The following SH3GL3 variants were observed in gnomAD, a reference collection of about 807,000 sequenced individuals.
The protein encoded by SH3GL3 is endophilin-A3.
SH3GL3 carries 33 observed loss-of-function variants against 47.7 expected under a neutral mutation model. The ratio of observed to expected loss-of-function variants is 0.69; its 90% CI spans 0.52 to 0.92. The LOEUF is 0.92. Ranked by LOEUF, SH3GL3 falls within the 40% of genes least tolerant of loss-of-function variation. The probability of loss-of-function intolerance (pLI) is 0.00; values close to 1 mark genes in which losing one functional copy is unlikely to be tolerated. For missense variants in SH3GL3, 363 were observed against 417.8 expected, an observed-to-expected ratio of 0.87 and a Z score of 1.14; for synonymous variants, 155 against 148.8, an observed-to-expected ratio of 1.04 and a Z score of -0.30.
At chr15:83,544,329 A>G (rs1238501454) in intron 1 of SH3GL3, among the ~76,000 whole-genome samples, 1 of 151,968 alleles carries the variant, frequency 6.6e-6, no homozygotes, top group East Asian at 1.9e-4. Context: ...TAGAGTTTCT[A>G]TTATTGATTT....
At chr15:83,480,140 T>C (rs2041281653) in intron 1 of SH3GL3, among the ~76,000 whole-genome samples, 1 of 152,214 alleles carries the variant, frequency 6.6e-6, no homozygotes. Flanking sequence ...CCAATTTTTA[T>C]TTATTTGAAA....
chr15:83,591,549 C>T (rs756923421), intron 8 of SH3GL3, among the ~76,000 whole-genome samples: 13 of 151,304 alleles, frequency 8.6e-5, no homozygotes, highest in East Asian at 1.9e-4. Flanking sequence ...TGGTAATATA[C>T]GTATGTGGTT....
chr15:83,512,786 C>G (rs2042822194), intron 1 of SH3GL3, among the ~76,000 whole-genome samples: 1 of 152,110 alleles, frequency 6.6e-6, no homozygotes, highest in African/African-American at 2.4e-5. Flanking sequence ...TGCCACCTCC[C>G]TCCCTCCCTC....
At chr15:83,611,153 G>C (rs911558776) in intron 8 of SH3GL3, among the ~76,000 whole-genome samples, 1 of 151,802 alleles carries the variant, frequency 6.6e-6, no homozygotes, top group Non-Finnish European at 1.5e-5. Flanking sequence ...GGGAAGTTCA[G>C]TTTATTTCAG....
rs1282930935 is a variant in SH3GL3, at chr15:83,499,378, C to T, written c.45+51800C>T. 5.0e-5 allele frequency among the ~76,000 whole-genome samples: 7 copies of T among 140,564 alleles called. 1 individual carries two copies. The highest frequency in any genetic ancestry group is 2.2e-4 in the Admixed American group (3 of 13,860). The allele number at this position is 140,564 out of a possible 152,430, so 92.2% of individuals were successfully genotyped here. ...AAAATGAAAGGCACTCCAGCCTGGG[C>T]GACAGAGACTCCATCTCAAAAAAAA... On this transcript the variant is annotated intron_variant, in intron 1 of 8. Coordinates refer to ENST00000427482, the MANE Select transcript of SH3GL3 (RefSeq NM_003027.5).
chr15:83,541,312 ATTTTTTTTTTTTTTTTTTTTT>A lies in SH3GL3; in HGVS notation c.46-17922_46-17902del, dbSNP rs71156085. 1.1e-3 allele frequency among the ~76,000 whole-genome samples: 50 copies of A among 47,366 alleles called. 1 individual carries two copies. The highest frequency in any genetic ancestry group is 1.3e-3 in the Non-Finnish European group (32 of 24,122). The allele number at this position is 47,366 out of a possible 152,430, so 31.1% of individuals were successfully genotyped here. A position where few individuals can be genotyped will look rare whatever the true frequency, so the allele number is the denominator to read the frequency against. On this transcript the variant is annotated intron_variant, in intron 1 of 8. Coordinates refer to ENST00000427482, the MANE Select transcript of SH3GL3 (RefSeq NM_003027.5). ...GATGGCTGGATCATATGGTAATTCT[ATTTTTTTTTTTTTTTTTTTTT>A]TTTTTTTTTTTTTTTTTTGAGACGG...
the SH3GL3 span, among the ~76,000 whole-genome samples, chr15:83,631,586 T>C: frequency 1.3e-5 from 2 of 152,204 alleles, no homozygotes; most frequent in Non-Finnish European, 2.9e-5. Flanking sequence ...CCACCAAGGG[T>C]TGGGGCTTGC....
rs1567228386 is a variant in SH3GL3 at position 83,448,473 on chromosome 15, TG to T, written c.45+896del. On this transcript the variant is annotated intron_variant, in intron 1 of 8. Transcript: ENST00000427482. This position sits in a 1 kb window ranked among gnomAD's most constrained non-coding sequence, Gnocchi z 4.2. ...GTGTGTGTGTGTGTGTGTGTGTGTGTGTGTGTGTTGATGACAAGCAAATTTG... is the reference window on the plus strand; with the variant it reads ...GTGTGTGTGTGTGTGTGTGTGTGTGTTGTGTGTTGATGACAAGCAAATTTG... Among the ~76,000 whole-genome samples the T allele has an allele frequency of 2.0e-5, 3 of 151,584 alleles. No individual in the cohort carries two copies. Among genetic ancestry groups the T allele is most frequent in the African/African-American group, 7.3e-5 (3 of 41,162 alleles).
intron 1 of SH3GL3, among the ~76,000 whole-genome samples, chr15:83,516,650 G>A (rs1191056516): frequency 1.3e-5 from 2 of 151,940 alleles, no homozygotes; most frequent in Non-Finnish European, 2.9e-5. Flanking sequence ...ACTTTTAAAT[G>A]ACCAGATCTC....
chr15:83,570,167 G>C (rs1188899780), intron 4 of SH3GL3, among the ~76,000 whole-genome samples: 1 of 151,986 alleles, frequency 6.6e-6, no homozygotes, highest in Non-Finnish European at 1.5e-5. Context: ...AAATTTCCAA[G>C]CTCCTGCATT....
intron 8 of SH3GL3, among the ~76,000 whole-genome samples, chr15:83,602,445 C>G (rs1331753655): frequency 6.6e-6 from 1 of 152,152 alleles, no homozygotes; most frequent in African/African-American, 2.4e-5. Context: ...ATAGATGACA[C>G]CTTCTAGCTG....
chr15:83,545,473 TGTCTGAAAG>T (rs987281078), intron 1 of SH3GL3, among the ~76,000 whole-genome samples: 2 of 152,370 alleles, frequency 1.3e-5, no homozygotes, highest in African/African-American at 4.8e-5. Flanking sequence ...TTGAATTCTT[TGTCTGAAAG>T]GTCACATATC....
intron 3 of SH3GL3, chr15:83,565,589 T>G (rs1016746224): frequency 1.3e-5 from 2 of 155,722 alleles, no homozygotes; most frequent in African/African-American, 4.8e-5. Flanking sequence ...AGGTATATGT[T>G]AATTTGAAAA....
In SH3GL3 at chr15:83,458,120, C is replaced by T. The variant is rs151229258; in HGVS notation, c.45+10542C>T. Among the ~76,000 whole-genome samples, 145 of 152,258 alleles carry T rather than the reference C, an allele frequency of 9.5e-4. 2 individuals are homozygous for T. In the East Asian group the frequency reaches 0.012, roughly 12 times the overall value. On this transcript the variant is annotated intron_variant, in intron 1 of 8. Coordinates refer to ENST00000427482, the MANE Select transcript of SH3GL3 (RefSeq NM_003027.5). The stretch of plus-strand genomic sequence containing the variant: ...GTCAGTAAACAACTGACACACTGTT[C>T]GGCTAAATAGTGAACATATTCTGGA...
chr15:83,558,247 G>A (rs182488119), intron 1 of SH3GL3, among the ~76,000 whole-genome samples: 29 of 152,160 alleles, frequency 1.9e-4, no homozygotes, highest in African/African-American at 7.0e-4. Flanking sequence ...TTTCTAAAGG[G>A]TTTCTCTGTG....
intron 1 of SH3GL3, among the ~76,000 whole-genome samples, chr15:83,536,856 T>C (rs1299414175): frequency 6.6e-6 from 1 of 152,230 alleles, no homozygotes; most frequent in African/African-American, 2.4e-5. Context: ...CTTTAAAAAG[T>C]TCCCCTCTAT....
At chr15:83,492,563 G>A (rs1402022293) in intron 1 of SH3GL3, among the ~76,000 whole-genome samples, 7 of 152,152 alleles carry the variant, frequency 4.6e-5, no homozygotes, top group Admixed American at 1.3e-4. Flanking sequence ...CACCTGTGAC[G>A]CTTTCCCCTA....
intron 1 of SH3GL3, among the ~76,000 whole-genome samples, chr15:83,522,453 T>C (rs1295595821): frequency 6.6e-6 from 1 of 152,228 alleles, no homozygotes. Flanking sequence ...GTGGGGATTA[T>C]GTACCTCTTC....
chr15:83,563,912 A>G (rs894183606), intron 2 of SH3GL3, among the ~76,000 whole-genome samples: 2 of 152,176 alleles, frequency 1.3e-5, no homozygotes. Context: ...TGCTGGGATT[A>G]CAGGTGTGTC....
Sources: gnomAD v4.1 joint callset for allele counts (sites outside exome capture counted in the v4.1 genomes callset) on GRCh38, gnomAD v4.1.1 for gene constraint, Gnocchi (gnomAD v3.1) non-coding constraint, MANE v1.5 for transcripts, NCBI Gene and HGNC (gene_info 2026-07-23, HGNC 2026-07-21) for gene names.